RAB18: variants seen among roughly 807,000 people sequenced by gnomAD.
The protein encoded by RAB18 is RAB18, member RAS oncogene family.
RAB18 carries 10 observed loss-of-function variants against 28.5 expected under a neutral mutation model. That is an observed-to-expected ratio of 0.35 (90% confidence interval 0.22 to 0.60). The LOEUF (loss-of-function observed/expected upper bound fraction) is 0.60, where lower values mean the gene tolerates loss of function less well. Among genes scored for constraint, RAB18 ranks in the 20% least tolerant of loss-of-function variants. The pLI is 0.78. For missense variants in RAB18, 188 were observed against 244.2 expected (o/e 0.77, Z 1.53); for synonymous variants, 93 against 86.9 (o/e 1.07, Z -0.39).
In RAB18 at chr10:27,539,869, C is replaced by T. The variant is rs556498749; in HGVS notation, c.*1818C>T. On this transcript the variant is annotated 3_prime_UTR_variant, in exon 7 of 7. Transcript: ENST00000356940. ...GAAGTATATACATTTCCCTATTACT[C>T]TCATCAGCTGAAGAATATGTACTAT... 2.9e-4 allele frequency: 132 copies of T among 453,864 alleles called. 2 individuals carry two copies. The highest frequency in any genetic ancestry group is 2.0e-3 in the South Asian group (128 of 64,428). 28.1% of individuals were successfully genotyped at this position (453,864 alleles called of 1,614,324 possible). A position where few individuals can be genotyped will look rare whatever the true frequency, so the allele number is the denominator to read the frequency against.
intron 3 of RAB18, chr10:27,531,723 A>T (rs1834792289): frequency 2.1e-5 from 13 of 610,094 alleles, no homozygotes. Flanking sequence ...TAGTCCAAGG[A>T]TGGTAGAAAG....
Position 27,526,907 on chromosome 10 carries a change from G to C in RAB18, c.186+18G>C, listed in dbSNP as rs921540516. On this transcript the variant is annotated intron_variant, in intron 3 of 6. Transcript: ENST00000356940. ...CAATATGGGTAAGAGTTTTTAAAAT[G>C]TATTTTTAAAATATTAAACTTTACT... 1 of 1,601,894 alleles carries C rather than the reference G, an allele frequency of 6.2e-7. No individual in the cohort carries two copies. The highest frequency in any genetic ancestry group is 8.5e-7 in the Non-Finnish European group (1 of 1,169,648).
At chr10:27,524,576 T>C (rs1424832462) in intron 2 of RAB18, among the ~76,000 whole-genome samples, 1 of 152,174 alleles carries the variant, frequency 6.6e-6, no homozygotes, top group Admixed American at 6.5e-5. Flanking sequence ...AGAAACTGAA[T>C]TAAAGATCAT....
At chr10:27,530,922 A>G (rs917785255) in intron 3 of RAB18, among the ~76,000 whole-genome samples, 2 of 151,986 alleles carry the variant, frequency 1.3e-5, no homozygotes, top group African/African-American at 4.8e-5. Flanking sequence ...GACTTGTCTC[A>G]TGTTATCAAA....
rs3832657 is a variant in RAB18 at position 27,541,854 on chromosome 10, G to GT, written c.*3803_*3804insT. On this transcript the variant is annotated 3_prime_UTR_variant, in exon 7 of 7. Coordinates refer to ENST00000356940, the MANE Select transcript of RAB18 (RefSeq NM_021252.5). ...CCCACCCCCACCCCTGCAAACAATTGGCATGTGGTTTGGGTGGCATTGTCA... is the reference window on the plus strand; with the variant it reads ...CCCACCCCCACCCCTGCAAACAATTGTGCATGTGGTTTGGGTGGCATTGTCA... 0.8 allele frequency: 361,899 copies of GT among 452,532 alleles called. 145,583 individuals carry two copies. The highest frequency in any genetic ancestry group is 0.84 in the Non-Finnish European group (191,304 of 226,510). 28.0% of individuals were successfully genotyped at this position (452,532 alleles called of 1,614,324 possible). A position where few individuals can be genotyped will look rare whatever the true frequency, so the allele number is the denominator to read the frequency against.
intron 2 of RAB18, among the ~76,000 whole-genome samples, chr10:27,514,920 G>A (rs1440110279): frequency 1.3e-5 from 2 of 151,968 alleles, no homozygotes; most frequent in East Asian, 1.9e-4. Flanking sequence ...GTGCCACCAT[G>A]CCCGGGTGAT....
intron 6 of RAB18, among the ~76,000 whole-genome samples, chr10:27,536,050 C>A (rs1589591549): frequency 1.3e-5 from 2 of 150,538 alleles, no homozygotes; most frequent in East Asian, 3.9e-4. Context: ...CCACTGCACT[C>A]CAGCCTGGGC....
rs913240938 is a variant in RAB18 at position 27,541,538 on chromosome 10, G to GCA, written c.*3497_*3498dup. On this transcript the variant is annotated 3_prime_UTR_variant, in exon 7 of 7. Transcript: ENST00000356940. ...AGTTAAAGCTGTTCAATGAATGTAA[G>GCA]CACACACACACCTACACACATATTT... The GCA allele has an allele frequency of 3.7e-5, 17 of 453,434 alleles. No individual in the cohort carries two copies. The highest frequency in any genetic ancestry group is 9.4e-5 in the Admixed American group (4 of 42,506). The allele number at this position is 453,434 out of a possible 1,614,324, so 28.1% of individuals were successfully genotyped here.
intron 3 of RAB18, among the ~76,000 whole-genome samples, chr10:27,530,673 G>C (rs1157892347): frequency 6.6e-6 from 1 of 151,768 alleles, no homozygotes; most frequent in Non-Finnish European, 1.5e-5. Flanking sequence ...GCTATGAAGA[G>C]CATTTCTAGT....
chr10:27,513,702 T>A (rs1834373627), intron 2 of RAB18, among the ~76,000 whole-genome samples: 2 of 152,170 alleles, frequency 1.3e-5, no homozygotes, highest in South Asian at 4.1e-4. Flanking sequence ...GCCATCAGGC[T>A]GGCTGCATGT....
intron 1 of RAB18, chr10:27,505,338 C>T (rs905767512): frequency 5.7e-6 from 2 of 352,178 alleles, no homozygotes; most frequent in Non-Finnish European, 1.1e-5. Flanking sequence ...CACATTTGCA[C>T]TCCAGGGGCT....
At chr10:27,534,060 C>G in intron 6 of RAB18, 66 bp downstream of exon 6, 1 of 1,427,584 alleles carries the variant, frequency 7.0e-7, no homozygotes, top group East Asian at 2.3e-5. Flanking sequence ...GAGTTTTTGC[C>G]AAGTTTATTT....
rs369574967 is a variant in RAB18 at position 27,537,795 on chromosome 10, G to A, written c.446-81G>A. 2.9e-5 allele frequency: 36 copies of A among 1,229,370 alleles called. No homozygotes were observed. The African/African-American group carries it at 5.1e-4, about 18-fold the overall frequency. The allele number at this position is 1,229,370 out of a possible 1,614,324, so 76.2% of individuals were successfully genotyped here. A position where few individuals can be genotyped will look rare whatever the true frequency, so the allele number is the denominator to read the frequency against. ...TAATATATTGTAGGCTGATATTTAT[G>A]CCCTGATAGTTTCCCAGAAAAACAT... is the stretch of plus-strand genomic sequence containing the variant. On this transcript the variant is annotated intron_variant, in intron 6 of 6. Coordinates refer to ENST00000356940, the MANE Select transcript of RAB18 (RefSeq NM_021252.5).
chr10:27,506,262 T>G (rs767007440), intron 1 of RAB18, among the ~76,000 whole-genome samples: 4 of 152,116 alleles, frequency 2.6e-5, no homozygotes, highest in Non-Finnish European at 5.9e-5. Flanking sequence ...GGATGACAAG[T>G]TAGGGTATGT....
chr10:27,511,009 A>G (rs1043881988), intron 2 of RAB18, among the ~76,000 whole-genome samples: 9 of 152,206 alleles, frequency 5.9e-5, no homozygotes, highest in Non-Finnish European at 1.2e-4. Flanking sequence ...GATTGTAGAC[A>G]TGATGTCTTC....
chr10:27,537,104 AGGCGAT>A (rs1348234884), intron 6 of RAB18, among the ~76,000 whole-genome samples: 5 of 152,234 alleles, frequency 3.3e-5, no homozygotes, highest in Non-Finnish European at 7.3e-5. Context: ...GAACAAAAGA[AGGCGAT>A]GGCTTGGATA....
Position 27,520,296 on chromosome 10 carries a change from A to T in RAB18, c.125-6532A>T, listed in dbSNP as rs567181442. ...CGGTTGTTCATAGTATTCTCTTATG[A>T]TCCTTTTTTTTCTGTAAAATTGGTA... On this transcript the variant is annotated intron_variant, in intron 2 of 6. Coordinates refer to ENST00000356940, the MANE Select transcript of RAB18 (RefSeq NM_021252.5). Among the ~76,000 whole-genome samples, 12 of 151,608 alleles carry T rather than the reference A, an allele frequency of 7.9e-5. No individual in the cohort carries two copies. The East Asian group carries it at 1.2e-3, about 15-fold the overall frequency.
chr10:27,524,538 C>T (rs1429736722), intron 2 of RAB18, among the ~76,000 whole-genome samples: 1 of 152,078 alleles, frequency 6.6e-6, no homozygotes, highest in Non-Finnish European at 1.5e-5. Flanking sequence ...GAAAATTTAC[C>T]AGTGTGCCTA....
At position 27,509,939 on chromosome 10, in the gene RAB18, G is replaced by T; in HGVS notation, c.124+9G>T. The T allele has an allele frequency of 3.7e-6, 6 of 1,605,162 alleles. No individual in the cohort carries two copies. Among genetic ancestry groups the T allele is most frequent in the Non-Finnish European group, 5.1e-6 (6 of 1,172,206 alleles). On this transcript the variant is annotated intron_variant, in intron 2 of 6. Transcript: ENST00000356940. ...ACTTGCAGCAACAATAGGTAAGCCT[G>T]TGTTTAAAAATTCTATAGAAATGGC...
Sources: allele counts gnomAD v4.1 joint callset (sites outside exome capture counted in the v4.1 genomes callset), GRCh38; gene constraint gnomAD v4.1.1; transcripts MANE v1.5; gene names NCBI Gene and HGNC (gene_info 2026-07-23, HGNC 2026-07-21).